The following ZBED1 variants were observed in gnomAD, a reference collection of about 807,000 sequenced individuals.
ZBED1 encodes E3 SUMO-protein ligase ZBED1.
ZBED1 carries 19 observed loss-of-function variants against 49.7 expected under a neutral mutation model. The observed-to-expected ratio is 0.38, with a 90% CI of 0.27 to 0.56. The LOEUF is 0.56. Ranked by LOEUF, ZBED1 falls within the 20% of genes least tolerant of loss-of-function variation. ZBED1 has a pLI of 0.70. For missense variants in ZBED1, 806 were observed against 972.6 expected, an observed-to-expected ratio of 0.83 and a Z score of 2.28; for synonymous variants, 439 against 440.3, an observed-to-expected ratio of 1.00 and a Z score of 0.04.
chrX:2,493,269 C>T (rs2045203058), intron 1 of ZBED1, among the ~76,000 whole-genome samples: 1 of 152,168 alleles, frequency 6.6e-6, no homozygotes, highest in Non-Finnish European at 1.5e-5. Flanking sequence ...CTCAAGAGGC[C>T]TCCTAAGTCC....
Position 2,489,283 on chromosome X carries a change from G to A in ZBED1, c.1437C>T (p.Tyr479=). The A allele has an allele frequency of 6.2e-7, 1 of 1,613,968 alleles. No homozygotes were observed. The highest frequency in any genetic ancestry group is 8.5e-7 in the Non-Finnish European group (1 of 1,179,862). The change falls in exon 2 of 2, where the codon TAC becomes TAT. Residue 479 remains tyrosine (Y), a synonymous_variant. Coordinates refer to ENST00000652001, the MANE Select transcript of ZBED1 (RefSeq NM_001171136.2). ...LNVATFLDPR[Y]KRLPFLSAFE... ...AGGCGGAGAGGAAGGGCAGCCTCTT[G>A]TAGCGGGGGTCCAGGAAGGTGGCCA... is the stretch of plus-strand genomic sequence containing the variant.
chrX:2,488,575 T>C lies in ZBED1; in HGVS notation c.*60A>G. ...AAACCAAGCTGACCGGGTAAGTATT[T>C]ACAGCAAAGCATCCAATGGGCTGCT... On this transcript the variant is annotated 3_prime_UTR_variant, in exon 2 of 2. Coordinates refer to ENST00000652001, the MANE Select transcript of ZBED1 (RefSeq NM_001171136.2). The C allele has an allele frequency of 2.0e-6, 3 of 1,525,072 alleles. No homozygotes were observed. Among genetic ancestry groups the C allele is most frequent in the Non-Finnish European group, 2.6e-6 (3 of 1,138,360 alleles). 94.5% of individuals were successfully genotyped at this position (1,525,072 alleles called of 1,614,324 possible).
At position 2,487,935 on chromosome X, in the gene ZBED1, C is replaced by T. The variant is rs1360948375; in HGVS notation, c.*700G>A. 6.6e-6 allele frequency: 1 copy of T among 151,988 alleles called. No homozygotes were observed. Among genetic ancestry groups the T allele is most frequent in the Admixed American group, 6.6e-5 (1 of 15,254 alleles). 9.4% of individuals were successfully genotyped at this position (151,988 alleles called of 1,614,324 possible). A position where few individuals can be genotyped will look rare whatever the true frequency, so the allele number is the denominator to read the frequency against. On this transcript the variant is annotated 3_prime_UTR_variant, in exon 2 of 2. Coordinates refer to ENST00000652001, the MANE Select transcript of ZBED1 (RefSeq NM_001171136.2). ...AGTGATCTGGACCTCGCAGAAGTCA[C>T]ACATGATGATCGGGAAAGGCTCCTT...
At position 2,489,070 on chromosome X, in the gene ZBED1, C is replaced by G; in HGVS notation, c.1650G>C (p.Glu550Asp). ...PASVINNMLA[E>D]IFCQTGGVED... is the part of the protein sequence containing the mutation. ...CCACGCCGCCTGTCTGGCAGAAGAT[C>G]TCGGCCAGCATGTTGTTGATGACGC... The change falls in exon 2 of 2, where the codon GAG (glutamate) becomes GAC (aspartate). Residue 550 changes from glutamate (E) to aspartate (D), a missense_variant. This residue lies in a region of ZBED1 where 749 missense variants were observed against 861.3 expected (regional missense o/e 0.87). Coordinates refer to ENST00000652001, the MANE Select transcript of ZBED1 (RefSeq NM_001171136.2). 6.2e-7 allele frequency: 1 copy of G among 1,613,910 alleles called. No individual in the cohort carries two copies. The highest frequency in any genetic ancestry group is 8.5e-7 in the Non-Finnish European group (1 of 1,179,866).
intron 1 of ZBED1, among the ~76,000 whole-genome samples, chrX:2,499,311 G>A (rs1274937190): frequency 6.6e-6 from 1 of 152,156 alleles, no homozygotes; most frequent in Non-Finnish European, 1.5e-5. Context: ...GGACATTTAA[G>A]ACATTCAGGG....
intron 1 of ZBED1, chrX:2,500,512 T>G: frequency 1.9e-5 from 3 of 156,326 alleles, no homozygotes; most frequent in South Asian, 1.9e-4. Context: ...CGGGGGCTGC[T>G]TGGTTGGAGC....
chrX:2,491,066 G>GTTTTTTTTTTTTTTTTT (rs900738620), intron 1 of ZBED1, among the ~76,000 whole-genome samples: 1 of 110,246 alleles, frequency 9.1e-6, no homozygotes. Flanking sequence ...AGTGCCTTTA[G>GTTTTTTTTTTTTTTTTT]TTTTTTTTTT....
At position 2,488,757 on chromosome X, in the gene ZBED1, C is replaced by A. The variant is rs745318802; in HGVS notation, c.1963G>T (p.Ala655Ser). The change falls in exon 2 of 2, where the codon GCA becomes TCA. Residue 655 changes from alanine to serine, a missense_variant. This residue lies in a region of ZBED1 where 749 missense variants were observed against 861.3 expected (regional missense o/e 0.87). Coordinates refer to ENST00000652001, the MANE Select transcript of ZBED1 (RefSeq NM_001171136.2). ...TCCTGGTCCTCGGGTTCCGCCTCTG[C>A]CCCACTCCGGGCGTTCTCATACAGA... ...VFLYENARSG[A>S]EAEPEDQDEG... is the part of the protein sequence containing the mutation. 6.2e-7 allele frequency: 1 copy of A among 1,613,970 alleles called. No individual in the cohort carries two copies. The highest frequency in any genetic ancestry group is 1.3e-5 in the African/African-American group (1 of 75,048).
At chrX:2,491,989 T>C (rs905594231) in intron 1 of ZBED1, among the ~76,000 whole-genome samples, 2 of 152,170 alleles carry the variant, frequency 1.3e-5, no homozygotes, top group Non-Finnish European at 2.9e-5. Flanking sequence ...AAGGTGTAAT[T>C]GTGTCTCCAA....
In ZBED1 at chrX:2,488,728, C is replaced by G. The variant is rs760406358; in HGVS notation, c.1992G>C (p.Glu664Asp). The change falls in exon 2 of 2, where the codon GAG (glutamate) becomes GAC (aspartate). Residue 664 changes from glutamate (E) to aspartate (D), a missense_variant. Transcript: ENST00000652001. The part of the protein sequence containing the change: ...GAEAEPEDQD[E>D]GEWGLDQEQV... ...GCTCCTGGTCCAGGCCCCACTCCCCCTCGTCCTGGTCCTCGGGTTCCGCCT... is the reference window on the plus strand; with the variant it reads ...GCTCCTGGTCCAGGCCCCACTCCCCGTCGTCCTGGTCCTCGGGTTCCGCCT... The G allele has an allele frequency of 1.8e-5, 29 of 1,613,852 alleles. No individual in the cohort carries two copies. The highest frequency in any genetic ancestry group is 2.2e-5 in the Non-Finnish European group (26 of 1,179,882).
rs1324737581 is a variant in ZBED1, at chrX:2,495,379, T to C, written c.-53-4607A>G. ...ATTATTATTAATATTATTGTTATTA[T>C]TTAGGTGAACAAAGGTTTCTATTCT... On this transcript the variant is annotated intron_variant, in intron 1 of 1. Coordinates refer to ENST00000652001, the MANE Select transcript of ZBED1 (RefSeq NM_001171136.2). 2.0e-5 allele frequency among the ~76,000 whole-genome samples: 3 copies of C among 152,064 alleles called. No individual in the cohort carries two copies. In the East Asian group the frequency reaches 5.8e-4, roughly 29 times the overall value.
intron 1 of ZBED1, among the ~76,000 whole-genome samples, chrX:2,495,236 G>A (rs2045251676): frequency 6.6e-6 from 1 of 151,170 alleles, no homozygotes; most frequent in Admixed American, 6.6e-5. Flanking sequence ...TTGGCTGAAA[G>A]ACGTTCCAGG....
chrX:2,496,642 C>T (rs780262064), intron 1 of ZBED1, among the ~76,000 whole-genome samples: 2 of 152,060 alleles, frequency 1.3e-5, no homozygotes, highest in South Asian at 4.1e-4. Context: ...AAATAAAAAA[C>T]AAAAATAGCT....
chrX:2,493,663 C>A (rs2045214240), intron 1 of ZBED1, among the ~76,000 whole-genome samples: 1 of 151,676 alleles, frequency 6.6e-6, no homozygotes, highest in South Asian at 2.1e-4. Flanking sequence ...GGTCTCAGTA[C>A]CTGTAGCAAA....
rs1437890977 is a variant in ZBED1, at chrX:2,488,937, G to T, written c.1783C>A (p.Leu595Met). 6.3e-7 allele frequency: 1 copy of T among 1,598,944 alleles called. No homozygotes were observed. Among genetic ancestry groups the T allele is most frequent in the Non-Finnish European group, 8.5e-7 (1 of 1,171,376 alleles). ...TTGGGCAGCAGGGGGAAGAGGGCCA[G>T]GCGGTCTGACCACCACTTGAGGGGG... ...EDPLKWWSDR[L>M]ALFPLLPKVL... Residue 595 changes from leucine to methionine, a missense_variant, in exon 2 of 2, where the codon CTG (leucine) becomes ATG (methionine). Around this residue, in one of 2 missense-constraint regions of ZBED1, gnomAD observed 749 missense variants for 861.3 expected, o/e 0.87. Coordinates refer to ENST00000652001, the MANE Select transcript of ZBED1 (RefSeq NM_001171136.2).
At position 2,490,031 on chromosome X, in the gene ZBED1, G is replaced by A. The variant is rs1200434388; in HGVS notation, c.689C>T (p.Ser230Phe). Residue 230 changes from serine (S) to phenylalanine (F), a missense_variant, in exon 2 of 2, where the codon TCC becomes TTC. Around this residue, in one of 2 missense-constraint regions of ZBED1, gnomAD observed 749 missense variants for 861.3 expected, o/e 0.87. Transcript: ENST00000652001. ...LGAPNCLSMG[S>F]RCLKTFEVPE... ...CACCTCGAAGGTCTTCAGGCAGCGG[G>A]AGCCCATGGACAGGCAGTTGGGGGC... 9.3e-6 allele frequency: 15 copies of A among 1,613,708 alleles called. No homozygotes were observed. Among genetic ancestry groups the A allele is most frequent in the Non-Finnish European group, 1.1e-5 (13 of 1,179,874 alleles).
chrX:2,497,285 C>A (rs758203329), intron 1 of ZBED1, among the ~76,000 whole-genome samples: 5 of 151,814 alleles, frequency 3.3e-5, no homozygotes, highest in African/African-American at 1.2e-4. Context: ...CCCAGCTACT[C>A]GGGAGGCTGA....
Position 2,490,218 on chromosome X carries a change from T to C in ZBED1, c.502A>G (p.Ile168Val), listed in dbSNP as rs777355574. Residue 168 changes from isoleucine to valine, a missense_variant, in exon 2 of 2, where the codon ATC (isoleucine) becomes GTC (valine). Around this residue, in one of 2 missense-constraint regions of ZBED1, gnomAD observed 749 missense variants for 861.3 expected, o/e 0.87. Coordinates refer to ENST00000652001, the MANE Select transcript of ZBED1 (RefSeq NM_001171136.2). ...TTCTCAGGGATGGCCTTGGTAGAGA[T>C]GTACTTCCGGCTGGGCAGCTCATAC... ...PRYELPSRKY[I>V]STKAIPEKYG... 3 of 1,613,830 alleles carry C rather than the reference T, an allele frequency of 1.9e-6. No individual in the cohort carries two copies. The highest frequency in any genetic ancestry group is 1.3e-5 in the African/African-American group (1 of 74,920).
At position 2,489,823 on chromosome X, in the gene ZBED1, G is replaced by C; in HGVS notation, c.897C>G (p.Ile299Met). 6.2e-7 allele frequency: 1 copy of C among 1,613,640 alleles called. No homozygotes were observed. Among genetic ancestry groups the C allele is most frequent in the Non-Finnish European group, 8.5e-7 (1 of 1,179,876 alleles). Residue 299 changes from isoleucine to methionine, a missense_variant, in exon 2 of 2, where the codon ATC becomes ATG. Physicochemically the swap from Ile to Met is conservative, Grantham distance 10. This residue lies in a region of ZBED1 where 749 missense variants were observed against 861.3 expected (regional missense o/e 0.87). Transcript: ENST00000652001. ...GCTTCGGGAGCTGGAAGGCCTGCTGGATGCCGGCATTGAAGGTGTGGCCCA... is the reference window on the plus strand; with the variant it reads ...GCTTCGGGAGCTGGAAGGCCTGCTGCATGCCGGCATTGAAGGTGTGGCCCA... ...PCLGHTFNAG[I>M]QQAFQLPKLG...
Sources: gnomAD v4.1 joint callset for allele counts (sites outside exome capture counted in the v4.1 genomes callset) on GRCh38, gnomAD v4.1.1 for gene constraint, gnomAD v4.1.1 regional missense constraint, MANE v1.5 for transcripts, NCBI Gene and HGNC (gene_info 2026-07-23, HGNC 2026-07-21) for gene names.